The following TARBP1 variants were observed in gnomAD, a reference collection of about 807,000 sequenced individuals.
TARBP1 encodes tRNA (guanosine(18)-2'-O)-methyltransferase TARBP1.
A neutral mutation model predicts 178.6 loss-of-function variants in TARBP1; 144 were observed. The observed-to-expected ratio is 0.81, with a 90% confidence interval of 0.70 to 0.93. The LOEUF is 0.93. TARBP1 is among the 40% of genes least tolerant of loss of function. The pLI, the probability that TARBP1 is intolerant of heterozygous loss-of-function variation, is 0.00. For synonymous variants in TARBP1, 787 were observed against 781.0 expected, an observed-to-expected ratio of 1.01 and a Z score of -0.13; for missense variants, 2,067 against 2,011.7, an observed-to-expected ratio of 1.03 and a Z score of -0.53.
chr1:234,437,112 A>C (rs1665105551), intron 13 of TARBP1, among the ~76,000 whole-genome samples, 163 bp downstream of exon 13: 1 of 152,236 alleles, frequency 6.6e-6, no homozygotes, highest in South Asian at 2.1e-4. Context: ...TGGAATTGGA[A>C]CTAGGAGACC....
chr1:234,414,938 C>T (rs1389499381), intron 22 of TARBP1, among the ~76,000 whole-genome samples: 2 of 151,928 alleles, frequency 1.3e-5, no homozygotes, highest in East Asian at 3.9e-4. Context: ...GAGCCAATAT[C>T]GCACCACTGC....
At chr1:234,391,842 C>CA in intron 29 of TARBP1, 97 bp from the exon 30 acceptor site, 1 of 1,261,132 alleles carries the variant, frequency 7.9e-7, no homozygotes, top group Non-Finnish European at 1.1e-6. Context: ...TTATTTTTCT[C>CA]TTTGATATTC....
intron 24 of TARBP1, among the ~76,000 whole-genome samples, chr1:234,402,279 T>C (rs999414979): frequency 6.6e-6 from 1 of 152,188 alleles, no homozygotes; most frequent in Admixed American, 6.5e-5. Context: ...ACTGTTCAAC[T>C]TCCTGACTAT....
chr1:234,397,948 G>A (rs1356329602), intron 26 of TARBP1, among the ~76,000 whole-genome samples: 6 of 141,420 alleles, frequency 4.2e-5, no homozygotes, highest in South Asian at 2.3e-4. Flanking sequence ...AACATGAAGC[G>A]GCGTCCAACC....
At chr1:234,457,111 G>A (rs1454424852) in intron 9 of TARBP1, among the ~76,000 whole-genome samples, 1 of 152,160 alleles carries the variant, frequency 6.6e-6, no homozygotes, top group African/African-American at 2.4e-5. Flanking sequence ...TGGAGGCCAG[G>A]GACGTGACAT....
intron 1 of TARBP1, among the ~76,000 whole-genome samples, chr1:234,477,582 G>A (rs1039662368): frequency 6.6e-5 from 10 of 152,196 alleles, no homozygotes; most frequent in African/African-American, 2.2e-4. Context: ...ATAGTAGGGA[G>A]CAAAGCTCAA....
intron 25 of TARBP1, among the ~76,000 whole-genome samples, chr1:234,399,895 G>A (rs1256030323): frequency 7.9e-6 from 1 of 126,412 alleles, no homozygotes; most frequent in Non-Finnish European, 1.7e-5. Context: ...TGGGGTGGGG[G>A]GAGGGGGGGA....
At chr1:234,423,537 T>A (rs556485074) in intron 20 of TARBP1, among the ~76,000 whole-genome samples, 2 of 152,290 alleles carry the variant, frequency 1.3e-5, no homozygotes, top group East Asian at 3.9e-4. Flanking sequence ...TCTACTTAGA[T>A]TCTCATCCCA....
chr1:234,393,987 T>A (rs1224198131), intron 26 of TARBP1, 150 bp from the exon 27 acceptor site: 1 of 669,020 alleles, frequency 1.5e-6, no homozygotes, highest in Non-Finnish European at 2.3e-6. Flanking sequence ...AGTAAAAAAC[T>A]TTAGTTGGAT....
Position 234,419,572 on chromosome 1 carries a change from G to T in TARBP1, c.3555+1130C>A, listed in dbSNP as rs539952650. ...CTGCTAGCTTTCCTTTTTCTTGCAGGTGTGCCCGCTCGGACATTTCCCCAC... is the reference window on the plus strand; with the variant it reads ...CTGCTAGCTTTCCTTTTTCTTGCAGTTGTGCCCGCTCGGACATTTCCCCAC... On this transcript the variant is annotated intron_variant, in intron 21 of 29. Coordinates refer to ENST00000040877, the MANE Select transcript of TARBP1 (RefSeq NM_005646.4). Among the ~76,000 whole-genome samples the T allele has an allele frequency of 4.6e-5, 7 of 152,124 alleles. No homozygotes were observed. The East Asian group carries it at 1.4e-3, about 29-fold the overall frequency.
At chr1:234,448,883 AT>A (rs1424120827) in intron 10 of TARBP1, among the ~76,000 whole-genome samples, 3 of 152,336 alleles carry the variant, frequency 2.0e-5, no homozygotes, top group Middle Eastern at 6.8e-3. Context: ...CAAAGAATAC[AT>A]AGAAAAATGC....
chr1:234,466,921 A>G (rs1668498425), intron 4 of TARBP1, among the ~76,000 whole-genome samples: 1 of 152,202 alleles, frequency 6.6e-6, no homozygotes, highest in Admixed American at 6.5e-5. Flanking sequence ...GGTCACCTCT[A>G]AATGAGAGGT....
Position 234,418,193 on chromosome 1 carries a change from C to A in TARBP1, c.3596G>T (p.Gly1199Val). ...TATGGATGCTTGATTGTTGGTGAAA[C>A]CAGCCTGGAAAATCCTGTCAATAAT... The part of the protein sequence containing the change: ...NGIIDRIFQA[G>V]FTNNQASIKY... The change falls in exon 22 of 30, where the codon GGT becomes GTT. Residue 1199 changes from glycine to valine, a missense_variant. Gly to Val is a moderately radical substitution (Grantham distance 109). Coordinates refer to ENST00000040877, the MANE Select transcript of TARBP1 (RefSeq NM_005646.4). 1 of 1,554,938 alleles carries A rather than the reference C, an allele frequency of 6.4e-7. No individual in the cohort carries two copies. Among genetic ancestry groups the A allele is most frequent in the Non-Finnish European group, 8.6e-7 (1 of 1,162,038 alleles).
chr1:234,407,759 G>C (rs1219037894), intron 23 of TARBP1: 2 of 152,090 alleles, frequency 1.3e-5, no homozygotes, highest in Non-Finnish European at 2.9e-5. Context: ...TCAGCCACTG[G>C]GAACATCTTC....
chr1:234,472,989 G>T (rs1434274203), intron 1 of TARBP1, among the ~76,000 whole-genome samples, 178 bp from the exon 2 acceptor site: 7 of 134,106 alleles, frequency 5.2e-5, no homozygotes, highest in Non-Finnish European at 7.8e-5. Flanking sequence ...ATTTTTTTTT[G>T]CACTAAGATT....
At chr1:234,467,148 C>T (rs1668527152) in intron 4 of TARBP1, among the ~76,000 whole-genome samples, 1 of 152,140 alleles carries the variant, frequency 6.6e-6, no homozygotes, top group Admixed American at 6.5e-5. Flanking sequence ...CATCACTAAA[C>T]AAATAACAGT....
intron 19 of TARBP1, 64 bp downstream of exon 19, chr1:234,427,253 T>A: frequency 8.8e-7 from 1 of 1,130,504 alleles, no homozygotes; most frequent in Non-Finnish European, 1.3e-6. Context: ...AGAATGTTTG[T>A]CATATGATGT....
intron 17 of TARBP1, 101 bp from the exon 18 acceptor site, chr1:234,427,867 T>C: frequency 4.3e-6 from 3 of 699,904 alleles, no homozygotes; most frequent in Non-Finnish European, 6.2e-6. Context: ...ATGAACAGTC[T>C]AAAAACTGTT....
intron 7 of TARBP1, 62 bp downstream of exon 7, chr1:234,460,199 T>C (rs1292889625): frequency 8.6e-6 from 13 of 1,516,574 alleles, no homozygotes; most frequent in Middle Eastern, 3.5e-4. Flanking sequence ...GAGGAGAAAA[T>C]ATATATATTG....
Sources: allele counts gnomAD v4.1 joint callset (sites outside exome capture counted in the v4.1 genomes callset), GRCh38; gene constraint gnomAD v4.1.1; transcripts MANE v1.5; gene names NCBI Gene and HGNC (gene_info 2026-07-23, HGNC 2026-07-21).